ANGPT1: variants seen among roughly 807,000 people sequenced by gnomAD.
ANGPT1 encodes the protein angiopoietin-1.
Under a neutral mutation model 62.2 loss-of-function variants are expected in ANGPT1, and 17 were observed. The ratio of observed to expected loss-of-function variants is 0.27; its 90% CI spans 0.19 to 0.41. The LOEUF is 0.41. ANGPT1 is among the 10% of genes least tolerant of loss of function. The pLI is 1.00. For missense variants in ANGPT1, 478 were observed against 594.9 expected (o/e 0.80, Z 2.04); for synonymous variants, 199 against 198.9 (o/e 1.00, Z 0.00).
chr8:107,318,700 T>C (rs1453775343), intron 4 of ANGPT1, among the ~76,000 whole-genome samples: 2 of 152,098 alleles, frequency 1.3e-5, no homozygotes, highest in Admixed American at 1.3e-4. Context: ...AAATTTGAAT[T>C]TTTTAATGAC....
intron 2 of ANGPT1, among the ~76,000 whole-genome samples, chr8:107,337,242 C>T (rs969749904): frequency 1.3e-5 from 2 of 152,186 alleles, no homozygotes; most frequent in African/African-American, 2.4e-5. Context: ...ATTAAGGAGA[C>T]GGTGAGTCAA....
At chr8:107,473,833 C>T (rs974517018) in intron 1 of ANGPT1, among the ~76,000 whole-genome samples, 1 of 152,074 alleles carries the variant, frequency 6.6e-6, no homozygotes, top group Non-Finnish European at 1.5e-5. Flanking sequence ...TGAACATTCT[C>T]TGCTGTAAAA....
chr8:107,452,309 A>C (rs1191982303), intron 1 of ANGPT1, among the ~76,000 whole-genome samples: 1 of 151,702 alleles, frequency 6.6e-6, no homozygotes, highest in Non-Finnish European at 1.5e-5. Flanking sequence ...GATCTTACGG[A>C]GAGACCATGG....
At chr8:107,458,598 G>A (rs1017948128) in intron 1 of ANGPT1, among the ~76,000 whole-genome samples, 10 of 152,126 alleles carry the variant, frequency 6.6e-5, no homozygotes, top group South Asian at 2.1e-4. Flanking sequence ...TAAGGAATGT[G>A]AATATATATA....
At chr8:107,448,984 T>C (rs1395955286) in intron 1 of ANGPT1, among the ~76,000 whole-genome samples, 1 of 152,076 alleles carries the variant, frequency 6.6e-6, no homozygotes, top group African/African-American at 2.4e-5. Context: ...TGACTCATTG[T>C]TGGGGGAGTG....
At chr8:107,473,277 T>C (rs1158618923) in intron 1 of ANGPT1, among the ~76,000 whole-genome samples, 1 of 152,090 alleles carries the variant, frequency 6.6e-6, no homozygotes, top group African/African-American at 2.4e-5. Context: ...TACCAAAGCA[T>C]GCACAGTCTT....
chr8:107,293,930 T>C lies in ANGPT1; in HGVS notation c.1038+6A>G. ...CCAAAAAGCACCATAAATTCTTGCA[T>C]CTTACCATTTTATATTCCTTCCAGC... On this transcript the variant is annotated splice_donor_region_variant and intron_variant, in intron 6 of 8. Coordinates refer to ENST00000517746, the MANE Select transcript of ANGPT1 (RefSeq NM_001146.5). 1.2e-6 allele frequency: 2 copies of C among 1,608,224 alleles called. No homozygotes were observed. The highest frequency in any genetic ancestry group is 1.1e-5 in the South Asian group (1 of 90,306).
chr8:107,497,116 C>T, intron 1 of ANGPT1, 146 bp downstream of exon 1: 1 of 976,154 alleles, frequency 1.0e-6, no homozygotes, highest in Non-Finnish European at 1.5e-6. Flanking sequence ...GGAAGCCAAA[C>T]CCAGACAGCC....
At chr8:107,443,306 G>A (rs1232332636) in intron 1 of ANGPT1, among the ~76,000 whole-genome samples, 3 of 152,046 alleles carry the variant, frequency 2.0e-5, no homozygotes, top group Admixed American at 2.0e-4. Flanking sequence ...GAAAGATTGT[G>A]ACCGGAATTT....
chr8:107,431,294 C>A (rs1024775926), intron 1 of ANGPT1, among the ~76,000 whole-genome samples: 4 of 152,134 alleles, frequency 2.6e-5, no homozygotes, highest in African/African-American at 9.7e-5. Context: ...TGCAAAAACA[C>A]AGATTTTGGT....
intron 1 of ANGPT1, among the ~76,000 whole-genome samples, chr8:107,382,617 A>C (rs959161682): frequency 2.6e-5 from 4 of 152,008 alleles, no homozygotes; most frequent in Non-Finnish European, 5.9e-5. Flanking sequence ...CAAGCTACCA[A>C]CTGATGTCAC....
At chr8:107,342,443 A>G (rs73701101) in intron 2 of ANGPT1, among the ~76,000 whole-genome samples, 56 of 152,312 alleles carry the variant, frequency 3.7e-4, no homozygotes, top group African/African-American at 1.3e-3. Flanking sequence ...GTAAAGGCCC[A>G]GACAGTAAAC....
chr8:107,353,139 C>A (rs1313115955), intron 1 of ANGPT1, among the ~76,000 whole-genome samples: 6 of 151,994 alleles, frequency 3.9e-5, no homozygotes, highest in Non-Finnish European at 7.3e-5. Context: ...GCCATGGATC[C>A]CATTTCTCAT....
At chr8:107,271,904 T>TAAAAAAAA (rs35257524) in intron 7 of ANGPT1, among the ~76,000 whole-genome samples, 1 of 138,222 alleles carries the variant, frequency 7.2e-6, no homozygotes, top group Non-Finnish European at 1.6e-5. Context: ...TTGATACTGG[T>TAAAAAAAA]AAAAAAAAAA....
At chr8:107,374,303 G>A (rs1387089738) in intron 1 of ANGPT1, among the ~76,000 whole-genome samples, 3 of 152,034 alleles carry the variant, frequency 2.0e-5, no homozygotes, top group Middle Eastern at 3.2e-3. Context: ...TCTTTATCAG[G>A]AAATTATTAT....
At chr8:107,397,646 G>A (rs745525252) in intron 1 of ANGPT1, among the ~76,000 whole-genome samples, 5 of 152,134 alleles carry the variant, frequency 3.3e-5, no homozygotes, top group African/African-American at 7.2e-5. Context: ...AGGGACTGGG[G>A]AGACCGGGGA....
chr8:107,357,788 G>T (rs1427329826), intron 1 of ANGPT1, among the ~76,000 whole-genome samples: 1 of 152,042 alleles, frequency 6.6e-6, no homozygotes. Flanking sequence ...GGGATTTGTC[G>T]ATTTTTCAGG....
chr8:107,449,400 G>GCACACA (rs10537811), intron 1 of ANGPT1, among the ~76,000 whole-genome samples: 4,609 of 148,102 alleles, frequency 0.031, 88 homozygotes, highest in Middle Eastern at 0.076. Context: ...ACACACACAT[G>GCACACA]CACACACACA....
chr8:107,468,271 T>C (rs1046004845), intron 1 of ANGPT1, among the ~76,000 whole-genome samples: 5 of 152,054 alleles, frequency 3.3e-5, no homozygotes, highest in African/African-American at 1.2e-4. Flanking sequence ...ACATTTGGGG[T>C]TATGATTCTG....
Sources: gnomAD v4.1 joint callset for allele counts (sites outside exome capture counted in the v4.1 genomes callset) on GRCh38, gnomAD v4.1.1 for gene constraint, MANE v1.5 for transcripts, NCBI Gene and HGNC (gene_info 2026-07-23, HGNC 2026-07-21) for gene names.